The following CABIN1 variants were observed in gnomAD, a reference collection of about 807,000 sequenced individuals.
CABIN1 encodes the protein calcineurin binding protein 1.
CABIN1 carries 133 observed loss-of-function variants against 227.7 expected under a neutral mutation model. That is an observed-to-expected ratio of 0.58 (90% confidence interval 0.51 to 0.67). The LOEUF (loss-of-function observed/expected upper bound fraction) is 0.67, where lower values mean the gene tolerates loss of function less well. CABIN1 is among the 30% of genes least tolerant of loss of function. CABIN1 has a pLI of 0.00. For synonymous variants in CABIN1, 1,086 were observed against 1,155.1 expected, an observed-to-expected ratio of 0.94 and a Z score of 1.21; for missense variants, 2,408 against 2,852.5, an observed-to-expected ratio of 0.84 and a Z score of 3.55.
chr22:24,152,409 C>T (rs947971516), intron 29 of CABIN1, among the ~76,000 whole-genome samples: 13 of 152,208 alleles, frequency 8.5e-5, no homozygotes, highest in Non-Finnish European at 2.9e-5. Context: ...ACGCACTTCA[C>T]TCTGTCTCGA....
At chr22:24,071,160 G>C (rs1444491860) in intron 17 of CABIN1, 118 bp downstream of exon 17, 1 of 1,402,280 alleles carries the variant, frequency 7.1e-7, no homozygotes, top group Non-Finnish European at 9.9e-7. Context: ...GGGACATGAT[G>C]GCTTCTTTGG....
intron 1 of CABIN1, among the ~76,000 whole-genome samples, chr22:24,030,695 C>A (rs1286039232): frequency 6.6e-6 from 1 of 152,182 alleles, no homozygotes; most frequent in Admixed American, 6.5e-5. Context: ...GCTGTTGCTT[C>A]AGGGAATCCA....
chr22:24,065,597 G>A (rs1441191976), intron 15 of CABIN1, among the ~76,000 whole-genome samples: 3 of 152,280 alleles, frequency 2.0e-5, no homozygotes, highest in Admixed American at 6.5e-5. Context: ...CTTCCCAGAC[G>A]GGGTGGCGGC....
intron 26 of CABIN1, among the ~76,000 whole-genome samples, chr22:24,110,316 C>G (rs530656491): frequency 4.3e-4 from 66 of 152,294 alleles, no homozygotes; most frequent in African/African-American, 1.5e-3. Flanking sequence ...TGTACTACTT[C>G]GTAGGCAGTG....
intron 1 of CABIN1, among the ~76,000 whole-genome samples, chr22:24,028,158 T>C (rs1329499934): frequency 6.6e-6 from 1 of 152,172 alleles, no homozygotes; most frequent in African/African-American, 2.4e-5. Context: ...AGTTAAGAAA[T>C]ACTTTATTGC....
chr22:24,090,072 G>A (rs2041441595), intron 23 of CABIN1, among the ~76,000 whole-genome samples: 1 of 152,222 alleles, frequency 6.6e-6, no homozygotes. Flanking sequence ...AAACACAGCA[G>A]GCCCTCAGTG....
At chr22:24,166,084 G>A (rs1464875363) in intron 31 of CABIN1, among the ~76,000 whole-genome samples, 2 of 152,230 alleles carry the variant, frequency 1.3e-5, no homozygotes. Context: ...GTTGGGAGTT[G>A]AGCCAGGACT....
intron 29 of CABIN1, among the ~76,000 whole-genome samples, chr22:24,142,002 G>C (rs955286897): frequency 1.3e-5 from 2 of 152,160 alleles, no homozygotes; most frequent in Admixed American, 1.3e-4. Flanking sequence ...GGGGGAAGGA[G>C]AGAAAGTCTC....
At chr22:24,052,990 T>C (rs916168712) in intron 8 of CABIN1, among the ~76,000 whole-genome samples, 11 of 151,844 alleles carry the variant, frequency 7.2e-5, no homozygotes, top group African/African-American at 2.4e-4. Context: ...AGGAAAAAGA[T>C]AGAAGAAATT....
At chr22:24,025,489 G>A (rs1390244193) in intron 1 of CABIN1, among the ~76,000 whole-genome samples, 1 of 152,174 alleles carries the variant, frequency 6.6e-6, no homozygotes, top group Non-Finnish European at 1.5e-5. Flanking sequence ...ATTTTTGTAG[G>A]TTTGGAACCA....
intron 1 of CABIN1, among the ~76,000 whole-genome samples, chr22:24,023,737 GTTTT>G (rs201509795): frequency 7.1e-6 from 1 of 141,016 alleles, no homozygotes; most frequent in Non-Finnish European, 1.6e-5. Flanking sequence ...TCATTTACCT[GTTTT>G]TTTTTTTTTT....
At chr22:24,055,219 A>T (rs2038694677) in intron 9 of CABIN1, 60 bp downstream of exon 9, 1 of 1,572,388 alleles carries the variant, frequency 6.4e-7, no homozygotes, top group South Asian at 1.1e-5. Context: ...CCCAGCAGGA[A>T]TGAGACTGCT....
chr22:24,136,739 GCA>G (rs200091743), intron 29 of CABIN1, among the ~76,000 whole-genome samples: 14,525 of 139,104 alleles, frequency 0.1, 698 homozygotes, highest in South Asian at 0.15. Flanking sequence ...ACACACACAC[GCA>G]CACACACACA....
chr22:24,064,512 G>GTTTTTTTTTTTTTT (rs782268156), intron 15 of CABIN1, among the ~76,000 whole-genome samples: 5 of 106,900 alleles, frequency 4.7e-5, no homozygotes, highest in Non-Finnish European at 7.2e-5. Flanking sequence ...CAGCTGAAAG[G>GTTTTTTTTTTTTTT]TTTTTTTTTT....
chr22:24,175,750 G>C, intron 34 of CABIN1: 1 of 395,754 alleles, frequency 2.5e-6, no homozygotes, highest in Non-Finnish European at 4.8e-6. Context: ...CTGCTTATGT[G>C]AGCTGGAGGG....
intron 12 of CABIN1, among the ~76,000 whole-genome samples, chr22:24,061,581 GC>G (rs2146416718): frequency 1.3e-5 from 2 of 152,372 alleles, no homozygotes; most frequent in South Asian, 4.1e-4. Context: ...CTGAGCCTCA[GC>G]TTCCTCAAGT....
intron 1 of CABIN1, among the ~76,000 whole-genome samples, chr22:24,027,527 C>T (rs2036182369): frequency 6.6e-6 from 1 of 152,176 alleles, no homozygotes; most frequent in African/African-American, 2.4e-5. Context: ...GAATGTATCC[C>T]CCACAGTTTA....
At chr22:24,063,430 C>T (rs115410900) in intron 14 of CABIN1, among the ~76,000 whole-genome samples, 1 of 152,208 alleles carries the variant, frequency 6.6e-6, no homozygotes, top group Non-Finnish European at 1.5e-5. Flanking sequence ...CTACCTCCCC[C>T]ACTCAAGATT....
chr22:24,126,595 G>T (rs932862409), intron 28 of CABIN1, among the ~76,000 whole-genome samples: 2 of 152,100 alleles, frequency 1.3e-5, no homozygotes, highest in African/African-American at 4.8e-5. Flanking sequence ...GCTGGAAGCT[G>T]GTGTGACTAG....
Sources: allele counts gnomAD v4.1 joint callset (sites outside exome capture counted in the v4.1 genomes callset), GRCh38; gene constraint gnomAD v4.1.1; transcripts MANE v1.5; gene names NCBI Gene and HGNC (gene_info 2026-07-23, HGNC 2026-07-21).